Variants in SDK1 observed in about 807,000 individuals in gnomAD.
The protein encoded by SDK1 is protein sidekick-1.
In SDK1, 157 loss-of-function variants were observed where a neutral mutation model predicts 245.5. The observed-to-expected ratio is 0.64, with a 90% confidence interval of 0.56 to 0.73. The LOEUF (loss-of-function observed/expected upper bound fraction) is 0.73, where lower values mean the gene tolerates loss of function less well. Ranked by LOEUF, SDK1 falls within the 30% of genes least tolerant of loss-of-function variation. SDK1 has a pLI of 0.00. For missense variants in SDK1, 3,583 were observed against 3,002.3 expected, an observed-to-expected ratio of 1.19 and a Z score of -4.52; for synonymous variants, 1,647 against 1,278.5, an observed-to-expected ratio of 1.29 and a Z score of -6.15.
Position 4,208,297 on chromosome 7 carries a change from G to A in SDK1, c.5401+12G>A. ...CACCCACCAGGCCGGTAGGAGGAAG[G>A]CGGGTTTCCTTTGGGCAGGCCTCCT... On this transcript the variant is annotated intron_variant, in intron 37 of 44. Transcript: ENST00000404826. The A allele has an allele frequency of 1.2e-6, 2 of 1,610,992 alleles. No homozygotes were observed. The highest frequency in any genetic ancestry group is 1.7e-6 in the Non-Finnish European group (2 of 1,179,068).
intron 1 of SDK1, among the ~76,000 whole-genome samples, chr7:3,545,432 G>T (rs753945146): frequency 6.6e-6 from 1 of 152,168 alleles, no homozygotes; most frequent in Non-Finnish European, 1.5e-5. Flanking sequence ...GCATGATGGG[G>T]ATCGTGGTTT....
intron 5 of SDK1, among the ~76,000 whole-genome samples, chr7:3,871,403 T>C (rs1780952808): frequency 6.6e-6 from 1 of 151,470 alleles, no homozygotes; most frequent in South Asian, 2.1e-4. Flanking sequence ...CTGTATTGCC[T>C]TGTTGCACTG....
Position 3,394,193 on chromosome 7 carries a change from C to A in SDK1, c.298+92309C>A, listed in dbSNP as rs1457913368. Among the ~76,000 whole-genome samples the A allele has an allele frequency of 2.0e-5, 3 of 152,106 alleles. No homozygotes were observed. In the East Asian group the frequency reaches 5.8e-4, roughly 29 times the overall value. ...ACACATGGAGTCAGTCTCTCCTCTA[C>A]TTCTCCCCCGACCCTCATTTTGAGT... On this transcript the variant is annotated intron_variant, in intron 1 of 44. Coordinates refer to ENST00000404826, the MANE Select transcript of SDK1 (RefSeq NM_152744.4).
chr7:3,509,895 C>T, intron 1 of SDK1, among the ~76,000 whole-genome samples: 1 of 152,146 alleles, frequency 6.6e-6, no homozygotes. Context: ...TTAGAATCAC[C>T]TAGTGGGCTT....
intron 1 of SDK1, among the ~76,000 whole-genome samples, chr7:3,566,673 C>T (rs1018885698): frequency 7.4e-5 from 11 of 148,312 alleles, no homozygotes; most frequent in Non-Finnish European, 1.3e-4. Context: ...ATGTCCACAA[C>T]TTAGATTAAC....
At chr7:3,604,746 G>A (rs1280371091) in intron 1 of SDK1, among the ~76,000 whole-genome samples, 3 of 151,546 alleles carry the variant, frequency 2.0e-5, no homozygotes, top group Non-Finnish European at 4.4e-5. Context: ...GGGATTACAG[G>A]CATGTGTCAC....
At chr7:3,401,693 T>A (rs1296035342) in intron 1 of SDK1, among the ~76,000 whole-genome samples, 1 of 152,118 alleles carries the variant, frequency 6.6e-6, no homozygotes, top group Non-Finnish European at 1.5e-5. Context: ...AGCCTTATTT[T>A]TTTTTTTTAT....
At chr7:4,177,117 A>G (rs1237923965) in intron 34 of SDK1, among the ~76,000 whole-genome samples, 3 of 152,238 alleles carry the variant, frequency 2.0e-5, no homozygotes, top group Non-Finnish European at 2.9e-5. Flanking sequence ...CACAGCTCCA[A>G]CATGTTGAGA....
At chr7:3,993,322 C>T (rs7780469) in intron 14 of SDK1, among the ~76,000 whole-genome samples, 23,811 of 152,026 alleles carry the variant, frequency 0.16, 2,761 homozygotes, top group African/African-American at 0.33. Flanking sequence ...GGCCTTCTAC[C>T]AGTTATCAAG....
chr7:3,561,423 A>C (rs1360094884), intron 1 of SDK1, among the ~76,000 whole-genome samples: 1 of 152,166 alleles, frequency 6.6e-6, no homozygotes, highest in Non-Finnish European at 1.5e-5. Context: ...TGGGTTTCAT[A>C]GGTGTGTTTC....
rs191527155 is a variant in SDK1 at position 3,960,212 on chromosome 7, G to T, written c.1234+1198G>T. The stretch of plus-strand genomic sequence containing the variant: ...TTAAGTACAGTGCCAAAGGCACTGG[G>T]CCACTCAATGAAATGGGATCCTTCT... On this transcript the variant is annotated intron_variant, in intron 8 of 44. Coordinates refer to ENST00000404826, the MANE Select transcript of SDK1 (RefSeq NM_152744.4). Among the ~76,000 whole-genome samples the T allele has an allele frequency of 1.1e-4, 16 of 152,318 alleles. No homozygotes were observed. The East Asian group carries it at 3.1e-3, about 29-fold the overall frequency.
At chr7:3,928,475 G>A (rs930815831) in intron 5 of SDK1, among the ~76,000 whole-genome samples, 35 of 152,300 alleles carry the variant, frequency 2.3e-4, no homozygotes, top group African/African-American at 8.2e-4. Context: ...AAAGGATGGT[G>A]AAGAAAAGTT....
chr7:3,483,104 G>A (rs146662725), intron 1 of SDK1, among the ~76,000 whole-genome samples: 1 of 152,130 alleles, frequency 6.6e-6, no homozygotes, highest in African/African-American at 2.4e-5. Flanking sequence ...TTTTATGTGA[G>A]TTTTAGGATT....
At chr7:3,378,965 C>G (rs1781418599) in intron 1 of SDK1, among the ~76,000 whole-genome samples, 1 of 152,088 alleles carries the variant, frequency 6.6e-6, no homozygotes, top group African/African-American at 2.4e-5. Context: ...TCAGACAGTT[C>G]AAACGAGGAC....
chr7:3,818,004 T>C (rs1186571963), intron 4 of SDK1, among the ~76,000 whole-genome samples: 1 of 152,228 alleles, frequency 6.6e-6, no homozygotes, highest in Non-Finnish European at 1.5e-5. Flanking sequence ...TCAGGACCGG[T>C]TAGCTTGTTC....
At chr7:3,421,491 T>C (rs1228081976) in intron 1 of SDK1, among the ~76,000 whole-genome samples, 3 of 152,236 alleles carry the variant, frequency 2.0e-5, no homozygotes, top group Non-Finnish European at 4.4e-5. Context: ...TGCTACTTGC[T>C]GATAGAAGAC....
chr7:4,079,540 T>C lies in SDK1; in HGVS notation c.3280T>C (p.Tyr1094His), dbSNP rs753198177. The change falls in exon 22 of 45, where the codon TAT (tyrosine) becomes CAT (histidine). Residue 1094 changes from tyrosine (Y) to histidine (H), a missense_variant. Coordinates refer to ENST00000404826, the MANE Select transcript of SDK1 (RefSeq NM_152744.4). Reference sequence around the variant, plus strand: ...CGCCACCCTTCAGTTCCGGCCAGGCTATGACGGGAAAACGTCCATCTCCAG... The same window carrying C: ...CGCCACCCTTCAGTTCCGGCCAGGCCATGACGGGAAAACGTCCATCTCCAG... The part of the protein sequence containing the change: ...RSATLQFRPG[Y>H]DGKTSISRWI... The C allele has an allele frequency of 6.2e-7, 1 of 1,614,218 alleles. No homozygotes were observed. The highest frequency in any genetic ancestry group is 2.2e-5 in the East Asian group (1 of 44,876).
intron 1 of SDK1, among the ~76,000 whole-genome samples, chr7:3,458,420 T>G (rs1044820850): frequency 2.0e-5 from 3 of 152,148 alleles, no homozygotes; most frequent in African/African-American, 7.2e-5. Flanking sequence ...GATGAATAAA[T>G]GAACTCCTTC....
At chr7:3,567,288 G>A (rs560432164) in intron 1 of SDK1, among the ~76,000 whole-genome samples, 16 of 152,270 alleles carry the variant, frequency 1.1e-4, no homozygotes, top group Middle Eastern at 3.4e-3. Flanking sequence ...TTCGTGGGTT[G>A]TTGTGAGAAT....
Sources: gnomAD v4.1 joint callset for allele counts (sites outside exome capture counted in the v4.1 genomes callset) on GRCh38, gnomAD v4.1.1 for gene constraint, MANE v1.5 for transcripts, NCBI Gene and HGNC (gene_info 2026-07-23, HGNC 2026-07-21) for gene names.